PCDHGB1: variants seen among roughly 807,000 people sequenced by gnomAD.
The protein encoded by PCDHGB1 is protocadherin gamma-B1.
Under a neutral mutation model 56.6 loss-of-function variants are expected in PCDHGB1, and 34 were observed. That is an observed-to-expected ratio of 0.60 (90% CI 0.46 to 0.80). PCDHGB1 has a LOEUF of 0.80. PCDHGB1 is among the 30% of genes least tolerant of loss of function. PCDHGB1 has a pLI of 0.00. For missense variants in PCDHGB1, 1,278 were observed against 1,204.6 expected (o/e 1.06, Z -0.90); for synonymous variants, 561 against 505.9 (o/e 1.11, Z -1.46).
At chr5:141,471,860 A>G (rs1470502617) in intron 1 of PCDHGB1, among the ~76,000 whole-genome samples, 1 of 152,202 alleles carries the variant, frequency 6.6e-6, no homozygotes, top group Non-Finnish European at 1.5e-5. Flanking sequence ...AAAAAGCAAA[A>G]CTGTGGTTGC....
intron 1 of PCDHGB1, among the ~76,000 whole-genome samples, chr5:141,467,288 A>G (rs1322298174): frequency 6.6e-6 from 1 of 152,084 alleles, no homozygotes; most frequent in Non-Finnish European, 1.5e-5. Context: ...CTTGACCTCA[A>G]GTGATCCACT....
In PCDHGB1 at chr5:141,351,914, A is replaced by C. The variant is rs2149766078; in HGVS notation, c.1654A>C (p.Asn552His). The C allele has an allele frequency of 6.2e-7, 1 of 1,613,370 alleles. No individual in the cohort carries two copies. Residue 552 changes from asparagine (N) to histidine (H), a missense_variant, in exon 1 of 4, where the codon AAT becomes CAT. Coordinates refer to ENST00000523390, the MANE Select transcript of PCDHGB1 (RefSeq NM_018922.3). ...CCTGCGCGTGTTGGTGGGCGACCTC[A>C]ATGACAATGCGCCACGGGTGCTGTA... Reference protein sequence around the residue: ...VSLRVLVGDLNDNAPRVLYPA... With the variant: ...VSLRVLVGDLHDNAPRVLYPA...
chr5:141,375,759 C>A lies in PCDHGB1; in HGVS notation c.2409+23090C>A, dbSNP rs757946718. 3.7e-6 allele frequency: 6 copies of A among 1,614,126 alleles called. No individual in the cohort carries two copies. The African/African-American group carries it at 5.3e-5, about 14-fold the overall frequency. ...TTTGTGCTGGACCAGAATGACAATG[C>A]GCCCGAGATCCTGTACCCCGCCCTC... On this transcript the variant is annotated intron_variant, in intron 1 of 3. Coordinates refer to ENST00000523390, the MANE Select transcript of PCDHGB1 (RefSeq NM_018922.3).
At chr5:141,383,550 C>T (rs1475330366) in intron 1 of PCDHGB1, 3 of 1,611,980 alleles carry the variant, frequency 1.9e-6, no homozygotes, top group Non-Finnish European at 1.7e-6. Flanking sequence ...CCTCTGATGG[C>T]GGCGACCCGC....
chr5:141,415,121 C>T (rs2095831464), intron 1 of PCDHGB1: 1 of 1,613,522 alleles, frequency 6.2e-7, no homozygotes, highest in South Asian at 1.1e-5. Context: ...CTCGTAGTGG[C>T]CGTCCAGGAC....
At chr5:141,421,794 G>A in intron 1 of PCDHGB1, 1 of 1,613,788 alleles carries the variant, frequency 6.2e-7, no homozygotes, top group Non-Finnish European at 8.5e-7. Flanking sequence ...GAACGGATGG[G>A]GCCAAGAATC....
At chr5:141,478,165 C>T (rs780594020) in intron 1 of PCDHGB1, 18 of 1,613,920 alleles carry the variant, frequency 1.1e-5, no homozygotes, top group Non-Finnish European at 1.5e-5. Context: ...GCTCTGCCCC[C>T]CGGGAGCAGA....
intron 1 of PCDHGB1, among the ~76,000 whole-genome samples, chr5:141,460,124 A>AAT (rs2098982741): frequency 6.6e-6 from 1 of 152,052 alleles, no homozygotes; most frequent in African/African-American, 2.4e-5. Context: ...TTATATATGT[A>AAT]ATATATATAT....
intron 1 of PCDHGB1, chr5:141,361,045 A>G (rs1055845568): frequency 3.1e-6 from 5 of 1,613,552 alleles, no homozygotes; most frequent in Non-Finnish European, 3.4e-6. Context: ...AATCACGACA[A>G]AGGATGATTT....
intron 2 of PCDHGB1, among the ~76,000 whole-genome samples, chr5:141,499,209 C>G (rs1171702973): frequency 6.6e-6 from 1 of 152,096 alleles, no homozygotes; most frequent in Admixed American, 6.5e-5. Context: ...GGCTGTAACC[C>G]AGGCCCTGCC....
intron 1 of PCDHGB1, chr5:141,393,452 GGCCTCGGATGGCGGCAAGCC>G: frequency 6.2e-7 from 1 of 1,614,030 alleles, no homozygotes; most frequent in Admixed American, 1.7e-5. Context: ...TGGTCCTCAC[GGCCTCGGATGGCGGCAAGCC>G]GCCTCGCTCT....
chr5:141,398,660 T>C, intron 1 of PCDHGB1: 2 of 1,614,038 alleles, frequency 1.2e-6, no homozygotes, highest in Non-Finnish European at 1.7e-6. Context: ...AACCCAAGTT[T>C]CTCATTAATA....
intron 1 of PCDHGB1, chr5:141,427,536 G>A (rs758610182): frequency 4.8e-6 from 3 of 626,396 alleles, no homozygotes; most frequent in Middle Eastern, 2.5e-4. Flanking sequence ...GGAGTACAAC[G>A]TCACCATCAC....
chr5:141,405,225 C>T (rs2154536264), intron 1 of PCDHGB1: 4 of 1,614,082 alleles, frequency 2.5e-6, no homozygotes, highest in Non-Finnish European at 1.7e-6. Context: ...CAGGAGTTCT[C>T]CCTCACCGCT....
rs752720166 is a variant in PCDHGB1, at chr5:141,419,978, G to C, written c.2409+67309G>C. 1.9e-6 allele frequency: 3 copies of C among 1,614,076 alleles called. No homozygotes were observed. In the South Asian group the frequency reaches 3.3e-5, roughly 18 times the overall value. On this transcript the variant is annotated intron_variant, in intron 1 of 3. Transcript: ENST00000523390. Reference sequence around the variant, plus strand: ...GATTTCTGTGCTCTTTCTCCTCGCGGTGATTCTAGCTATTGCTCTACGCCT... The same window carrying C: ...GATTTCTGTGCTCTTTCTCCTCGCGCTGATTCTAGCTATTGCTCTACGCCT...
chr5:141,401,587 T>C (rs1455949609), intron 1 of PCDHGB1, among the ~76,000 whole-genome samples: 3 of 152,226 alleles, frequency 2.0e-5, no homozygotes, highest in Non-Finnish European at 2.9e-5. Context: ...TCCTGACATA[T>C]TCTTGAAGAA....
intron 1 of PCDHGB1, chr5:141,356,120 T>C (rs1760114115): frequency 6.2e-7 from 1 of 1,613,918 alleles, no homozygotes; most frequent in Middle Eastern, 1.6e-4. Flanking sequence ...TTGGGGGGTC[T>C]AGATTATGAG....
intron 1 of PCDHGB1, among the ~76,000 whole-genome samples, chr5:141,373,222 G>C (rs899880588): frequency 6.6e-6 from 1 of 152,116 alleles, no homozygotes; most frequent in African/African-American, 2.4e-5. Context: ...AATGTAACCT[G>C]TATATAATAT....
chr5:141,389,147 G>A (rs530113846), intron 1 of PCDHGB1: 2 of 1,613,986 alleles, frequency 1.2e-6, no homozygotes, highest in South Asian at 1.1e-5. Flanking sequence ...TAACCGTTAC[G>A]GCAACAGATC....
Sources: allele counts gnomAD v4.1 joint callset (sites outside exome capture counted in the v4.1 genomes callset), GRCh38; gene constraint gnomAD v4.1.1; transcripts MANE v1.5; gene names NCBI Gene and HGNC (gene_info 2026-07-23, HGNC 2026-07-21).